Variants in OR2C1 observed in about 807,000 individuals in gnomAD.
OR2C1 encodes olfactory receptor 2C1.
For synonymous variants in OR2C1, 209 were observed against 167.3 expected, an observed-to-expected ratio of 1.25 and a Z score of -1.92; for missense variants, 468 against 388.3, an observed-to-expected ratio of 1.21 and a Z score of -1.73.
the OR2C1 span, among the ~76,000 whole-genome samples, chr16:3,338,538 C>CTTTTATTTTTTT: frequency 9.7e-6 from 1 of 103,288 alleles, no homozygotes; most frequent in Non-Finnish European, 1.8e-5. Context: ...GTATAGGTAC[C>CTTTTATTTTTTT]TTTTTTTTTT....
chr16:3,355,182 G>A (rs2030640332), upstream of OR2C1, among the ~76,000 whole-genome samples: 3 of 151,928 alleles, frequency 2.0e-5, no homozygotes, highest in South Asian at 6.3e-4. Context: ...TGAAATCTAG[G>A]CCACGCACGG....
the OR2C1 span, among the ~76,000 whole-genome samples, chr16:3,327,482 C>G: frequency 6.6e-6 from 1 of 151,980 alleles, no homozygotes; most frequent in Non-Finnish European, 1.5e-5. Flanking sequence ...GACCAAAAAA[C>G]TTTACTGACA....
chr16:3,353,358 G>C (rs780253721), upstream of OR2C1, among the ~76,000 whole-genome samples: 1 of 151,822 alleles, frequency 6.6e-6, no homozygotes, highest in Non-Finnish European at 1.5e-5. Flanking sequence ...GGGGATGGTG[G>C]TGTGCACCTG....
At chr16:3,345,206 T>C in the OR2C1 span, among the ~76,000 whole-genome samples, 4 of 151,854 alleles carry the variant, frequency 2.6e-5, no homozygotes, top group East Asian at 1.9e-4. Flanking sequence ...CGGTGGTTCA[T>C]GCCTGTAATC....
At chr16:3,336,920 C>T in the OR2C1 span, among the ~76,000 whole-genome samples, 1 of 151,886 alleles carries the variant, frequency 6.6e-6, no homozygotes, top group Non-Finnish European at 1.5e-5. Context: ...GTTGGTCAGG[C>T]TGGTCTCGAA....
chr16:3,338,116 G>A, the OR2C1 span, among the ~76,000 whole-genome samples: 117 of 152,278 alleles, frequency 7.7e-4, no homozygotes, highest in Non-Finnish European at 1.5e-3. Flanking sequence ...GGCTGGCTAA[G>A]GTTTGGGTCC....
chr16:3,349,888 C>T, the OR2C1 span, among the ~76,000 whole-genome samples: 8 of 150,988 alleles, frequency 5.3e-5, no homozygotes, highest in Non-Finnish European at 1.2e-4. Flanking sequence ...GGCAACAAAG[C>T]GAGATTCCGT....
At chr16:3,336,851 G>A in the OR2C1 span, among the ~76,000 whole-genome samples, 1 of 151,172 alleles carries the variant, frequency 6.6e-6, no homozygotes, top group Non-Finnish European at 1.5e-5. Flanking sequence ...TGGGATTATA[G>A]GCATGTGCCA....
At chr16:3,323,342 T>A in the OR2C1 span, 1 of 1,107,472 alleles carries the variant, frequency 9.0e-7, no homozygotes, top group Non-Finnish European at 1.4e-6. Flanking sequence ...AATGCTTCAC[T>A]GGGAGGCAAT....
At chr16:3,340,057 T>A in the OR2C1 span, among the ~76,000 whole-genome samples, 5 of 152,092 alleles carry the variant, frequency 3.3e-5, no homozygotes, top group African/African-American at 1.2e-4. Flanking sequence ...AGCGGGCAGA[T>A]CACCTGAGGT....
upstream of OR2C1, among the ~76,000 whole-genome samples, chr16:3,351,387 G>A (rs2030572647): frequency 6.6e-6 from 1 of 151,664 alleles, no homozygotes; most frequent in Non-Finnish European, 1.5e-5. Context: ...AGGAGAAGGA[G>A]AGCACCTGCT....
At chr16:3,352,671 C>T (rs777884754), upstream of OR2C1, among the ~76,000 whole-genome samples, 3 of 151,676 alleles carry the variant, frequency 2.0e-5, no homozygotes, top group Non-Finnish European at 4.4e-5. Context: ...TGTCTAATAC[C>T]AGCCCCCCAC....
the OR2C1 span, among the ~76,000 whole-genome samples, chr16:3,350,419 GT>G: frequency 1.2e-4 from 16 of 134,908 alleles, no homozygotes; most frequent in South Asian, 2.4e-4. Flanking sequence ...TTTTTTTTGT[GT>G]TTTTTTTTTG....
At chr16:3,331,612 C>G in the OR2C1 span, among the ~76,000 whole-genome samples, 7 of 151,680 alleles carry the variant, frequency 4.6e-5, no homozygotes, top group African/African-American at 1.7e-4. Flanking sequence ...ATATGGCTAG[C>G]CAGTTTTCCC....
chr16:3,345,343 G>A, the OR2C1 span, among the ~76,000 whole-genome samples: 8 of 151,784 alleles, frequency 5.3e-5, no homozygotes, highest in South Asian at 2.1e-4. Context: ...AAAATTAGCC[G>A]GGCGTGATGG....
Position 3,356,337 on chromosome 16 carries a change from A to G in OR2C1, c.397A>G (p.Thr133Ala), listed in dbSNP as rs886691274. Residue 133 changes from threonine to alanine, a missense_variant, in exon 1 of 1, where the codon ACC (threonine) becomes GCC (alanine). Transcript: ENST00000304936. ...GGCAGTGTGCCGGCCCCTCCGCTAC[A>G]CCGCCATCATGAACCCCCAGCTCTG... is the stretch of plus-strand genomic sequence containing the variant. ...YVAVCRPLRYTAIMNPQLCWL... is the reference protein window; with the variant it reads ...YVAVCRPLRYAAIMNPQLCWL... 3 of 1,613,268 alleles carry G rather than the reference A, an allele frequency of 1.9e-6. No individual in the cohort carries two copies. In the African/African-American group the frequency reaches 4.0e-5, roughly 22 times the overall value.
the OR2C1 span, among the ~76,000 whole-genome samples, chr16:3,349,763 G>A: frequency 2.0e-5 from 3 of 152,000 alleles, no homozygotes; most frequent in Admixed American, 6.6e-5. Flanking sequence ...GGGGCCAGGC[G>A]TGGTGGTACA....
At chr16:3,332,948 C>A in the OR2C1 span, among the ~76,000 whole-genome samples, 4 of 151,960 alleles carry the variant, frequency 2.6e-5, no homozygotes, top group Admixed American at 6.6e-5. Flanking sequence ...TTTTGAGGAA[C>A]TTCCAACAGT....
chr16:3,334,470 G>A, the OR2C1 span, among the ~76,000 whole-genome samples: 2 of 150,148 alleles, frequency 1.3e-5, no homozygotes, highest in Non-Finnish European at 3.0e-5. Flanking sequence ...TACAGACAGG[G>A]TTTTACCATG....
Sources: allele counts gnomAD v4.1 joint callset (sites outside exome capture counted in the v4.1 genomes callset), GRCh38; gene constraint gnomAD v4.1.1; transcripts MANE v1.5; gene names NCBI Gene and HGNC (gene_info 2026-07-23, HGNC 2026-07-21).